Variants in LINGO2 observed in about 807,000 individuals in gnomAD.
LINGO2 encodes the protein leucine rich repeat and Ig domain containing 2.
Under a neutral mutation model 30.6 loss-of-function variants are expected in LINGO2, and 14 were observed. That is an observed-to-expected ratio of 0.46 (90% CI 0.30 to 0.72). The LOEUF (loss-of-function observed/expected upper bound fraction) is 0.72. LINGO2 is among the 30% of genes least tolerant of loss of function. LINGO2 has a pLI of 0.07. For synonymous variants in LINGO2, 317 were observed against 288.5 expected (o/e 1.10, Z -1.00); for missense variants, 729 against 751.7 (o/e 0.97, Z 0.35).
At chr9:28,796,266 C>A in the LINGO2 span, among the ~76,000 whole-genome samples, 1 of 152,060 alleles carries the variant, frequency 6.6e-6, no homozygotes, top group South Asian at 2.1e-4. Context: ...CATTTGAGAA[C>A]TGATAATTCT....
chr9:28,575,475 G>A (rs1188205175), intron 1 of LINGO2, among the ~76,000 whole-genome samples: 1 of 151,312 alleles, frequency 6.6e-6, no homozygotes, highest in African/African-American at 2.4e-5. Context: ...GCTAAAAATT[G>A]AGTACACATG....
intron 1 of LINGO2, among the ~76,000 whole-genome samples, chr9:28,629,288 C>G (rs969882246): frequency 1.3e-5 from 2 of 152,058 alleles, no homozygotes; most frequent in African/African-American, 4.8e-5. Flanking sequence ...TTCCAGGGCA[C>G]AGAGAATGTA....
At chr9:28,628,989 T>C (rs1304613150) in intron 1 of LINGO2, among the ~76,000 whole-genome samples, 1 of 152,116 alleles carries the variant, frequency 6.6e-6, no homozygotes, top group African/African-American at 2.4e-5. Context: ...TCTTATTTTA[T>C]ACAATGAGTA....
At chr9:28,512,591 G>GTATATATATA (rs1262344382) in intron 1 of LINGO2, among the ~76,000 whole-genome samples, 18 of 15,810 alleles carry the variant, frequency 1.1e-3, no homozygotes, top group Admixed American at 2.4e-3. Context: ...ATATATATGT[G>GTATATATATA]TGTATATATA....
chr9:28,557,276 C>A (rs527746668), intron 1 of LINGO2, among the ~76,000 whole-genome samples: 10 of 151,876 alleles, frequency 6.6e-5, no homozygotes, highest in Admixed American at 1.3e-4. Flanking sequence ...CCAGAATCTA[C>A]AATGAACTCC....
the LINGO2 span, among the ~76,000 whole-genome samples, chr9:29,055,167 C>G: frequency 2.6e-5 from 4 of 151,884 alleles, no homozygotes; most frequent in Admixed American, 6.6e-5. Context: ...TGCAGTGAGC[C>G]GAGATCATGC....
intron 4 of LINGO2, among the ~76,000 whole-genome samples, chr9:28,160,617 T>C (rs1828259200): frequency 1.3e-5 from 2 of 152,192 alleles, no homozygotes; most frequent in African/African-American, 4.8e-5. Context: ...TCTCTAACAA[T>C]GTGCATTGTT....
chr9:28,446,495 T>A (rs535076597), intron 2 of LINGO2, among the ~76,000 whole-genome samples: 4 of 152,348 alleles, frequency 2.6e-5, no homozygotes, highest in African/African-American at 9.6e-5. Context: ...ATATCCACCA[T>A]GCTGAACAAA....
At chr9:28,014,212 A>C (rs1016650006) in intron 4 of LINGO2, among the ~76,000 whole-genome samples, 1 of 152,198 alleles carries the variant, frequency 6.6e-6, no homozygotes, top group Non-Finnish European at 1.5e-5. Context: ...ATTATTCTTT[A>C]GAATTAGCCT....
Position 28,205,646 on chromosome 9 carries a change from G to A in LINGO2, c.-87+89562C>T, listed in dbSNP as rs371408263. 2.0e-5 allele frequency among the ~76,000 whole-genome samples: 3 copies of A among 152,198 alleles called. No homozygotes were observed. In the East Asian group the frequency reaches 5.8e-4, roughly 29 times the overall value. On this transcript the variant is annotated intron_variant, in intron 4 of 5. Transcript: ENST00000379992. ...AAAAGAGAAACAAAGAAGAAAACAT[G>A]GCAGTATTTATCCAGATCTGACCAG... is the stretch of plus-strand genomic sequence containing the variant.
At chr9:28,970,356 T>G in the LINGO2 span, among the ~76,000 whole-genome samples, 2 of 152,164 alleles carry the variant, frequency 1.3e-5, no homozygotes, top group Non-Finnish European at 2.9e-5. Flanking sequence ...ATTCCACCAA[T>G]GGTCCCCCTG....
At chr9:27,999,742 A>G (rs557082703) in intron 5 of LINGO2, among the ~76,000 whole-genome samples, 2 of 152,272 alleles carry the variant, frequency 1.3e-5, no homozygotes, top group African/African-American at 2.4e-5. Flanking sequence ...AAGGACTTCT[A>G]TAGATTAGGA....
chr9:28,382,798 T>C (rs1821406028), intron 2 of LINGO2, among the ~76,000 whole-genome samples: 1 of 152,098 alleles, frequency 6.6e-6, no homozygotes, highest in South Asian at 2.1e-4. Flanking sequence ...TCTTAATCTG[T>C]AAAATGGGGA....
At chr9:28,079,802 C>G (rs1825724036) in intron 4 of LINGO2, among the ~76,000 whole-genome samples, 1 of 152,188 alleles carries the variant, frequency 6.6e-6, no homozygotes, top group African/African-American at 2.4e-5. Context: ...CTTCCTTTGT[C>G]CTGCATCCTT....
At chr9:28,959,641 C>G in the LINGO2 span, among the ~76,000 whole-genome samples, 130 of 151,728 alleles carry the variant, frequency 8.6e-4, no homozygotes, top group African/African-American at 3.0e-3. Flanking sequence ...CACACACACA[C>G]ACACAGAGAA....
the LINGO2 span, among the ~76,000 whole-genome samples, chr9:28,738,000 T>G: frequency 2.0e-5 from 3 of 152,262 alleles, no homozygotes; most frequent in Admixed American, 2.0e-4. Flanking sequence ...GCATTCCCTC[T>G]CAGCAACTAA....
chr9:28,057,566 CAT>C (rs897080548), intron 4 of LINGO2, among the ~76,000 whole-genome samples: 93 of 21,828 alleles, frequency 4.3e-3, no homozygotes, highest in African/African-American at 9.4e-3. Context: ...TATATATATA[CAT>C]ATATATACAC....
chr9:28,037,234 A>T (rs1045740127), intron 4 of LINGO2, among the ~76,000 whole-genome samples: 5 of 152,238 alleles, frequency 3.3e-5, no homozygotes, highest in African/African-American at 1.2e-4. Context: ...TACAAACAGT[A>T]GTTATGCAAC....
chr9:28,718,573 C>G, the LINGO2 span, among the ~76,000 whole-genome samples: 1 of 152,000 alleles, frequency 6.6e-6, no homozygotes, highest in Non-Finnish European at 1.5e-5. Flanking sequence ...AATCCCTGCT[C>G]TGACTAAAAC....
Sources: gnomAD v4.1 joint callset for allele counts (sites outside exome capture counted in the v4.1 genomes callset) on GRCh38, gnomAD v4.1.1 for gene constraint, MANE v1.5 for transcripts, NCBI Gene and HGNC (gene_info 2026-07-23, HGNC 2026-07-21) for gene names.